FBN2: variants seen among roughly 807,000 people sequenced by gnomAD.
FBN2 encodes the protein fibrillin 2, also known as fibrillin-2.
FBN2 carries 105 observed loss-of-function variants against 355.6 expected under a neutral mutation model. The observed-to-expected ratio is 0.30, with a 90% CI of 0.25 to 0.35. The LOEUF (loss-of-function observed/expected upper bound fraction) is 0.35, where lower values mean the gene tolerates loss of function less well. Ranked by LOEUF, FBN2 falls within the 10% of genes least tolerant of loss-of-function variation. The pLI is 1.00. For missense variants in FBN2, 3,280 were observed against 3,758.7 expected (o/e 0.87, Z 3.33); for synonymous variants, 1,350 against 1,301.2 (o/e 1.04, Z -0.81).
Position 128,300,836 on chromosome 5 carries a change from T to G in FBN2, c.6147A>C (p.Val2049=). The G allele has an allele frequency of 6.2e-7, 1 of 1,614,084 alleles. No homozygotes were observed. Among genetic ancestry groups the G allele is most frequent in the Non-Finnish European group, 8.5e-7 (1 of 1,179,924 alleles). The change falls in exon 48 of 65, where the codon GTA becomes GTC. Residue 2049 remains valine, a synonymous_variant. Transcript: ENST00000262464. ...FRCICPPGYE[V]KSENCIDINE... ...TCTTACCAATGCAGTTCTCGCTTTTTACTTCATACCCTGGGGGACAGATGC... is the reference window on the plus strand; with the variant it reads ...TCTTACCAATGCAGTTCTCGCTTTTGACTTCATACCCTGGGGGACAGATGC...
chr5:128,436,267 C>T (rs1026342403), intron 7 of FBN2, among the ~76,000 whole-genome samples: 2 of 152,166 alleles, frequency 1.3e-5, no homozygotes, highest in Non-Finnish European at 1.5e-5. Context: ...CACTCTTCCC[C>T]GCTGGTCTCA....
intron 15 of FBN2, among the ~76,000 whole-genome samples, chr5:128,374,168 G>A (rs148472370): frequency 3.3e-5 from 5 of 152,038 alleles, no homozygotes; most frequent in African/African-American, 1.2e-4. Flanking sequence ...TCTGAAGGGG[G>A]CTATCTGGGG....
chr5:128,319,582 C>T (rs1750312660), intron 34 of FBN2, among the ~76,000 whole-genome samples: 1 of 151,352 alleles, frequency 6.6e-6, no homozygotes. Context: ...ATTTTGTAAT[C>T]TTATCTGTTA....
chr5:128,378,393 T>C (rs1752142997), intron 12 of FBN2, among the ~76,000 whole-genome samples: 1 of 152,264 alleles, frequency 6.6e-6, no homozygotes, highest in South Asian at 2.1e-4. Flanking sequence ...GGTGTAGCAC[T>C]GAAGCTGTGA....
rs1322428676 is a variant in FBN2, at chr5:128,307,124, G to C, written c.5422+11C>G. 1 of 1,578,896 alleles carries C rather than the reference G, an allele frequency of 6.3e-7. No homozygotes were observed. The highest frequency in any genetic ancestry group is 2.2e-5 in the East Asian group (1 of 44,614). The stretch of plus-strand genomic sequence containing the variant: ...TATGTATTAAAACAAACATAATCTG[G>C]AAAAACTCACCAACAGCTTTTCCTG... On this transcript the variant is annotated intron_variant, in intron 42 of 64. Coordinates refer to ENST00000262464, the MANE Select transcript of FBN2 (RefSeq NM_001999.4).
chr5:128,289,384 G>C, intron 51 of FBN2, 132 bp from the exon 52 acceptor site: 1 of 875,864 alleles, frequency 1.1e-6, no homozygotes, highest in Non-Finnish European at 1.9e-6. Context: ...AGGAGCTTGA[G>C]ACCAGCCTGG....
intron 7 of FBN2, among the ~76,000 whole-genome samples, chr5:128,430,470 G>A (rs893479594): frequency 5.3e-5 from 8 of 152,038 alleles, no homozygotes; most frequent in East Asian, 1.9e-4. Context: ...GTTCACATTC[G>A]TGTCTAAAAC....
Position 128,453,996 on chromosome 5 carries a change from C to CG in FBN2, c.827-7391_827-7390insC, listed in dbSNP as rs954417200. ...GAATACTCAGAAATGGCTTGCCCCCCCCCCAAGTTTCTCCTTCCATTACCC... is the reference window on the plus strand; with the variant it reads ...GAATACTCAGAAATGGCTTGCCCCCCGCCCCAAGTTTCTCCTTCCATTACCC... On this transcript the variant is annotated intron_variant, in intron 6 of 64. Transcript: ENST00000262464. 1.2e-4 allele frequency among the ~76,000 whole-genome samples: 18 copies of CG among 151,408 alleles called. No homozygotes were observed. In the Admixed American group the frequency reaches 1.2e-3, roughly 10 times the overall value.
chr5:128,347,723 G>T (rs552895722), intron 23 of FBN2, among the ~76,000 whole-genome samples: 1 of 152,102 alleles, frequency 6.6e-6, no homozygotes, highest in East Asian at 1.9e-4. Flanking sequence ...GGTGACAAAA[G>T]CATTTAAGCA....
intron 55 of FBN2, among the ~76,000 whole-genome samples, chr5:128,285,370 C>T (rs889559990): frequency 2.0e-5 from 3 of 152,088 alleles, no homozygotes; most frequent in African/African-American, 7.2e-5. Context: ...AAGTGTTCTA[C>T]AAAGAGTTTT....
intron 25 of FBN2, among the ~76,000 whole-genome samples, chr5:128,342,786 T>C (rs553894064): frequency 1.3e-5 from 2 of 151,470 alleles, no homozygotes; most frequent in East Asian, 1.9e-4. Flanking sequence ...TGGAGTGCAA[T>C]AGCACGATCT....
chr5:128,394,941 A>T (rs1752608496), intron 9 of FBN2, among the ~76,000 whole-genome samples, 181 bp downstream of exon 9: 1 of 152,138 alleles, frequency 6.6e-6, no homozygotes, highest in Admixed American at 6.5e-5. Flanking sequence ...ATGCACCACC[A>T]TGCCCGGCTA....
chr5:128,481,272 C>T (rs1056468719), intron 5 of FBN2, among the ~76,000 whole-genome samples: 1 of 152,070 alleles, frequency 6.6e-6, no homozygotes, highest in East Asian at 1.9e-4. Context: ...TGTAAAAGAC[C>T]CCTTTTGATT....
intron 34 of FBN2, 22 bp downstream of exon 34, chr5:128,328,674 A>T: frequency 6.2e-7 from 1 of 1,613,806 alleles, no homozygotes; most frequent in Non-Finnish European, 8.5e-7. Context: ...CTTGAAAATG[A>T]GTTGGAATCC....
chr5:128,509,857 G>A (rs887453730), intron 5 of FBN2, among the ~76,000 whole-genome samples: 1 of 152,194 alleles, frequency 6.6e-6, no homozygotes. Context: ...CACCAATTAT[G>A]TGACCCTCTA....
In FBN2 at chr5:128,263,512, G is replaced by A; in HGVS notation, c.8105C>T (p.Ser2702Phe). 1 of 1,614,096 alleles carries A rather than the reference G, an allele frequency of 6.2e-7. No homozygotes were observed. The highest frequency in any genetic ancestry group is 1.3e-5 in the African/African-American group (1 of 75,014). Residue 2702 changes from serine to phenylalanine, a missense_variant, in exon 63 of 65, where the codon TCC becomes TTC. Ser to Phe is a radical substitution (Grantham distance 155, BLOSUM62 -2). Transcript: ENST00000262464. ...GCAGCCGTAATTGCAGGGGTTCTTG[G>A]AGGACGAGCACTCATTCACGTCGTG... ...ACHDVNECSS[S>F]KNPCNYGCSN...
At chr5:128,509,318 C>T (rs1281319295) in intron 5 of FBN2, among the ~76,000 whole-genome samples, 1 of 152,002 alleles carries the variant, frequency 6.6e-6, no homozygotes, top group Non-Finnish European at 1.5e-5. Flanking sequence ...ATTTCTGTTG[C>T]TATGTTTTCA....
chr5:128,373,528 G>A (rs531369325), intron 15 of FBN2, among the ~76,000 whole-genome samples: 6 of 152,234 alleles, frequency 3.9e-5, no homozygotes, highest in African/African-American at 1.4e-4. Flanking sequence ...TAGGAGTAAA[G>A]TATTAACTAT....
chr5:128,322,108 C>T (rs1750391791), intron 34 of FBN2, among the ~76,000 whole-genome samples: 1 of 152,138 alleles, frequency 6.6e-6, no homozygotes, highest in Non-Finnish European at 1.5e-5. Flanking sequence ...ATTGTCTGTT[C>T]ATATCCATTG....
Sources: gnomAD v4.1 joint callset for allele counts (sites outside exome capture counted in the v4.1 genomes callset) on GRCh38, gnomAD v4.1.1 for gene constraint, MANE v1.5 for transcripts, NCBI Gene and HGNC (gene_info 2026-07-23, HGNC 2026-07-21) for gene names.